Variants in RGSL1 observed in about 807,000 individuals in gnomAD.
RGSL1 encodes the protein regulator of G protein signaling protein-like.
In RGSL1, 97 loss-of-function variants were observed where a neutral mutation model predicts 124.7. That is an observed-to-expected ratio of 0.78 (90% confidence interval 0.66 to 0.92). The LOEUF is 0.92. Ranked by LOEUF, RGSL1 falls within the 40% of genes least tolerant of loss-of-function variation. The pLI, the probability that RGSL1 is intolerant of heterozygous loss-of-function variation, is 0.00. For missense variants in RGSL1, 1,233 were observed against 1,288.4 expected (o/e 0.96, Z 0.66); for synonymous variants, 424 against 438.1 (o/e 0.97, Z 0.40).
intron 9 of RGSL1, among the ~76,000 whole-genome samples, chr1:182,501,988 A>T (rs1656421978): frequency 6.6e-6 from 1 of 152,120 alleles, no homozygotes; most frequent in African/African-American, 2.4e-5. Context: ...AACTTTGTTT[A>T]TCTAGATTAC....
chr1:182,458,328 C>CA lies in RGSL1; in HGVS notation c.107dup (p.Thr37AspfsTer7), dbSNP rs1652520412. 3 of 1,551,780 alleles carry CA rather than the reference C, an allele frequency of 1.9e-6. No homozygotes were observed. In the Admixed American group the frequency reaches 5.9e-5, roughly 30 times the overall value. ...TAGCTTTGTTTTGCAGGTTTTTGGT[C>CA]AGACACCATTTTATACTGTTGAAAA... On this transcript the variant is annotated frameshift_variant, in exon 3 of 22. Transcript: ENST00000294854. LOFTEE classifies it high-confidence loss of function.
At position 182,488,479 on chromosome 1, in the gene RGSL1, A is replaced by C. The variant is rs1397355816; in HGVS notation, c.1494+132A>C. 6 of 884,332 alleles carry C rather than the reference A, an allele frequency of 6.8e-6. No individual in the cohort carries two copies. The East Asian group carries it at 1.6e-4, about 24-fold the overall frequency. 54.8% of individuals were successfully genotyped at this position (884,332 alleles called of 1,614,324 possible). A position where few individuals can be genotyped will look rare whatever the true frequency, so the allele number is the denominator to read the frequency against. On this transcript the variant is annotated intron_variant, in intron 7 of 21. Transcript: ENST00000294854. ...TTCCTAGAGTCAACCAAAGATCAGCATGGTCCCTGTTGTTCTAAAGCTAAA... is the reference window on the plus strand; with the variant it reads ...TTCCTAGAGTCAACCAAAGATCAGCCTGGTCCCTGTTGTTCTAAAGCTAAA...
At chr1:182,559,959 G>T (rs565138224) in intron 21 of RGSL1, among the ~76,000 whole-genome samples, 2 of 152,078 alleles carry the variant, frequency 1.3e-5, no homozygotes, top group Non-Finnish European at 2.9e-5. Context: ...ATTTTTATTT[G>T]TACCTAGAAT....
At chr1:182,453,781 C>T (rs1287068251) in intron 1 of RGSL1, among the ~76,000 whole-genome samples, 177 bp from the exon 2 acceptor site, 4 of 152,044 alleles carry the variant, frequency 2.6e-5, no homozygotes, top group Non-Finnish European at 2.9e-5. Context: ...TTAAGCAGAA[C>T]GATATTGAAA....
intron 10 of RGSL1, among the ~76,000 whole-genome samples, chr1:182,526,635 G>A (rs1159485523): frequency 6.6e-6 from 1 of 152,160 alleles, no homozygotes; most frequent in Non-Finnish European, 1.5e-5. Flanking sequence ...TCGTGTCACT[G>A]CACTTCAGCC....
intron 9 of RGSL1, among the ~76,000 whole-genome samples, chr1:182,501,079 G>C (rs1052579519): frequency 6.6e-6 from 1 of 152,000 alleles, no homozygotes; most frequent in Non-Finnish European, 1.5e-5. Flanking sequence ...TGAGCTGAGG[G>C]GCAAAGCTTT....
At chr1:182,484,774 A>G (rs2102075302) in intron 6 of RGSL1, among the ~76,000 whole-genome samples, 1 of 150,184 alleles carries the variant, frequency 6.7e-6, no homozygotes, top group African/African-American at 2.5e-5. Context: ...TTCAGCCTGA[A>G]GGGGTTAGGC....
intron 9 of RGSL1, among the ~76,000 whole-genome samples, chr1:182,500,268 T>A (rs1348614123): frequency 6.6e-6 from 1 of 152,208 alleles, no homozygotes; most frequent in African/African-American, 2.4e-5. Flanking sequence ...TTGAAGAGAC[T>A]CTTCTTTCCC....
chr1:182,529,922 C>T (rs548458148), intron 11 of RGSL1, among the ~76,000 whole-genome samples: 1 of 152,154 alleles, frequency 6.6e-6, no homozygotes, highest in South Asian at 2.1e-4. Flanking sequence ...ATCCTTTACC[C>T]TTCTGCTGTC....
chr1:182,532,505 T>C (rs1331471500), intron 13 of RGSL1, among the ~76,000 whole-genome samples, 157 bp from the exon 14 acceptor site: 1 of 152,172 alleles, frequency 6.6e-6, no homozygotes, highest in Admixed American at 6.5e-5. Flanking sequence ...CTCTCTAACC[T>C]GAGTTTCCTC....
intron 2 of RGSL1, among the ~76,000 whole-genome samples, chr1:182,454,638 A>T (rs916004652): frequency 1.3e-5 from 2 of 150,644 alleles, no homozygotes. Context: ...CCCCCAGTAG[A>T]TTATGAGACA....
Position 182,460,012 on chromosome 1 carries a change from A to G in RGSL1, c.180A>G (p.Lys60=). Residue 60 remains lysine, a synonymous_variant, in exon 4 of 22, where the codon AAA becomes AAG. Coordinates refer to ENST00000294854, the MANE Select transcript of RGSL1 (RefSeq NM_001137669.2). The stretch of plus-strand genomic sequence containing the variant: ...TTTTGCTTTGACTCTAGATTGCCAA[A>G]TACAAAGGGTTATTGACCTGGTTGG... The part of the protein sequence containing the change: ...WPEIPCNLIA[K]YKGLLTWLEK... The G allele has an allele frequency of 1.3e-6, 2 of 1,551,204 alleles. No homozygotes were observed. The highest frequency in any genetic ancestry group is 1.7e-6 in the Non-Finnish European group (2 of 1,146,834).
At chr1:182,485,321 A>G (rs2102077458) in intron 6 of RGSL1, among the ~76,000 whole-genome samples, 1 of 152,168 alleles carries the variant, frequency 6.6e-6, no homozygotes, top group East Asian at 1.9e-4. Context: ...TTACTCCTTC[A>G]ATGTACACTT....
Position 182,472,438 on chromosome 1 carries a change from T to A in RGSL1, c.344T>A (p.Leu115Gln). The A allele has an allele frequency of 1.3e-6, 2 of 1,550,976 alleles. No individual in the cohort carries two copies. Among genetic ancestry groups the A allele is most frequent in the Non-Finnish European group, 8.7e-7 (1 of 1,146,512 alleles). Reference sequence around the variant, plus strand: ...TTCTGGATCCTTGCTGAGAACATCCTGAGCATAGATGAGATGGACCTGGAA... The same window carrying A: ...TTCTGGATCCTTGCTGAGAACATCCAGAGCATAGATGAGATGGACCTGGAA... ...VDFWILAENI[L>Q]SIDEMDLEVR... Residue 115 changes from leucine to glutamine, a missense_variant, in exon 5 of 22, where the codon CTG becomes CAG. Leu to Gln is a moderately radical substitution (Grantham distance 113, BLOSUM62 -2). Coordinates refer to ENST00000294854, the MANE Select transcript of RGSL1 (RefSeq NM_001137669.2).
At chr1:182,465,228 C>T (rs897317233) in intron 4 of RGSL1, among the ~76,000 whole-genome samples, 1 of 151,990 alleles carries the variant, frequency 6.6e-6, no homozygotes, top group Admixed American at 6.6e-5. Flanking sequence ...ACAAAATCTA[C>T]TAATGCTAAA....
At chr1:182,489,241 T>G in intron 8 of RGSL1, 39 bp downstream of exon 8, 1 of 1,438,268 alleles carries the variant, frequency 7.0e-7, no homozygotes, top group South Asian at 1.2e-5. Context: ...CCTTTACATA[T>G]GGGCAACTGG....
At chr1:182,472,670 T>C (rs1402023071) in intron 5 of RGSL1, 113 bp downstream of exon 5, 1 of 1,171,486 alleles carries the variant, frequency 8.5e-7, no homozygotes, top group Non-Finnish European at 1.2e-6. Context: ...CCATCTTCTA[T>C]GTATCAGAGA....
chr1:182,472,806 AT>A (rs988118598), intron 5 of RGSL1, among the ~76,000 whole-genome samples: 8 of 152,128 alleles, frequency 5.3e-5, no homozygotes, highest in Admixed American at 3.9e-4. Context: ...GCGGGGAGGA[AT>A]TGGGGCAGGA....
chr1:182,530,169 A>C (rs1007077504), intron 11 of RGSL1, 75 bp from the exon 12 acceptor site: 2 of 1,175,766 alleles, frequency 1.7e-6, no homozygotes, highest in East Asian at 2.6e-5. Flanking sequence ...ATAAAAAAAA[A>C]AAACAAAAAA....
Sources: gnomAD v4.1 joint callset for allele counts (sites outside exome capture counted in the v4.1 genomes callset) on GRCh38, gnomAD v4.1.1 for gene constraint, MANE v1.5 for transcripts, NCBI Gene and HGNC (gene_info 2026-07-23, HGNC 2026-07-21) for gene names.